RNF213: variants seen among roughly 807,000 people sequenced by gnomAD.
The protein encoded by RNF213 is E3 ubiquitin-protein ligase RNF213.
Under a neutral mutation model 514.4 loss-of-function variants are expected in RNF213, and 341 were observed. That is an observed-to-expected ratio of 0.66 (90% confidence interval 0.61 to 0.73). The LOEUF (loss-of-function observed/expected upper bound fraction) is 0.73, where lower values mean the gene tolerates loss of function less well. Ranked by LOEUF, RNF213 falls within the 30% of genes least tolerant of loss-of-function variation. The probability of loss-of-function intolerance (pLI) is 0.00; values close to 1 mark genes in which losing one functional copy is unlikely to be tolerated. For synonymous variants in RNF213, 2,655 were observed against 2,658.2 expected (o/e 1.00, Z 0.04); for missense variants, 5,767 against 6,615.6 (o/e 0.87, Z 4.45).
At position 80,334,195 on chromosome 17, in the gene RNF213, G is replaced by A. The variant is rs771417979; in HGVS notation, c.4234G>A (p.Glu1412Lys). The change falls in exon 22 of 68, where the codon GAG (glutamate) becomes AAG (lysine). Residue 1412 changes from glutamate (E) to lysine (K), a missense_variant. Around this residue, in one of 13 missense-constraint regions of RNF213, gnomAD observed 516 missense variants for 566.5 expected, o/e 0.91. Transcript: ENST00000582970. The part of the protein sequence containing the change: ...QAKKLLQDIS[E>K]ARCKGLQALS... ...CAAAAAGCTGCTCCAGGACATCAGCGAGGCCCGGTGCAAGGGGCTGCAGGC... is the reference window on the plus strand; with the variant it reads ...CAAAAAGCTGCTCCAGGACATCAGCAAGGCCCGGTGCAAGGGGCTGCAGGC... The A allele has an allele frequency of 7.8e-6, 12 of 1,537,216 alleles. No individual in the cohort carries two copies. In the Middle Eastern group the frequency reaches 5.0e-4, roughly 64 times the overall value.
rs2044685075 is a variant in RNF213 at position 80,290,592 on chromosome 17, G to T, written c.1135G>T (p.Val379Phe). ...CAGCACGCTGAGCCCGGGTGGAGGA[G>T]TCACCGTGTTCTTCCACGCCATCAT... ...KASTLSPGGG[V>F]TVFFHAIISL... Residue 379 changes from valine to phenylalanine, a missense_variant, in exon 7 of 68, where the codon GTC becomes TTC. By Grantham distance (50) the Val-to-Phe change is conservative. Around this residue, in one of 13 missense-constraint regions of RNF213, gnomAD observed 509 missense variants for 496.7 expected, o/e 1.02. Transcript: ENST00000582970. 1.2e-6 allele frequency: 2 copies of T among 1,614,074 alleles called. No individual in the cohort carries two copies. Among genetic ancestry groups the T allele is most frequent in the East Asian group, 4.5e-5 (2 of 44,892 alleles).
In RNF213 at chr17:80,353,421, A is replaced by G; in HGVS notation, c.10424-91A>G. The G allele has an allele frequency of 7.0e-7, 1 of 1,431,762 alleles. No individual in the cohort carries two copies. 88.7% of individuals were successfully genotyped at this position (1,431,762 alleles called of 1,614,324 possible). ...AGGGGCCGGGGAAGCCTGCACTCGG[A>G]GGCTGAGCACACAGACTCCCAGATG... On this transcript the variant is annotated intron_variant, in intron 33 of 67. Transcript: ENST00000582970. This position sits in a 1 kb window ranked among gnomAD's most constrained non-coding sequence, Gnocchi z 5.0.
Position 80,369,690 on chromosome 17 carries a change from G to T in RNF213, c.12325+19G>T. On this transcript the variant is annotated intron_variant, in intron 45 of 67. Transcript: ENST00000582970. ...GCCCAGAGTAGGTTGCTTTCTTCCT[G>T]TAAACCTAGCCCCTCATTTCTTCAT... The T allele has an allele frequency of 6.2e-7, 1 of 1,614,128 alleles. No individual in the cohort carries two copies. Among genetic ancestry groups the T allele is most frequent in the Non-Finnish European group, 8.5e-7 (1 of 1,180,034 alleles).
At position 80,388,622 on chromosome 17, in the gene RNF213, C is replaced by T. The variant is rs2080335596; in HGVS notation, c.14933C>T (p.Thr4978Ile). Reference sequence around the variant, plus strand: ...TCTTTCCCAATTTAGGGAATACCCACTCTGGTGTACAGACACGACTGGAAC... The same window carrying T: ...TCTTTCCCAATTTAGGGAATACCCATTCTGGTGTACAGACACGACTGGAAC... ...KPRLSLKGIP[T>I]LVYRHDWNYE... is the part of the protein sequence containing the mutation. Residue 4978 changes from threonine (T) to isoleucine (I), a missense_variant, in exon 64 of 68, where the codon ACT becomes ATT. This residue lies in a region of RNF213 where 1,245 missense variants were observed against 1,339.0 expected (regional missense o/e 0.93). Coordinates refer to ENST00000582970, the MANE Select transcript of RNF213 (RefSeq NM_001256071.3). 1 of 1,609,686 alleles carries T rather than the reference C, an allele frequency of 6.2e-7. No individual in the cohort carries two copies. The highest frequency in any genetic ancestry group is 1.3e-5 in the African/African-American group (1 of 74,844).
chr17:80,324,600 G>T (rs1473692848), intron 17 of RNF213, among the ~76,000 whole-genome samples: 1 of 152,080 alleles, frequency 6.6e-6, no homozygotes, highest in Non-Finnish European at 1.5e-5. Flanking sequence ...TCTCGGAGGA[G>T]AATTAAAAAG....
At chr17:80,285,341 A>G (rs908486815) in intron 3 of RNF213, among the ~76,000 whole-genome samples, 1 of 152,134 alleles carries the variant, frequency 6.6e-6, no homozygotes, top group Non-Finnish European at 1.5e-5. Context: ...CAGGCCCTCT[A>G]AACCCAGCCC....
chr17:80,290,562 T>C lies in RNF213; in HGVS notation c.1113-8T>C, dbSNP rs1303812038. On this transcript the variant is annotated splice_region_variant and splice_polypyrimidine_tract_variant and intron_variant, in intron 6 of 67. Coordinates refer to ENST00000582970, the MANE Select transcript of RNF213 (RefSeq NM_001256071.3). ...GGGAATCAGATTTCTGTTTTGGTTT[T>C]CCACCAGCACGCTGAGCCCGGGTGG... is the stretch of plus-strand genomic sequence containing the variant. 2.5e-6 allele frequency: 4 copies of C among 1,613,582 alleles called. No individual in the cohort carries two copies.
chr17:80,389,828 G>C lies in RNF213; in HGVS notation c.15196G>C (p.Ala5066Pro), dbSNP rs1414395737. ...CTCAGGAATTCTATTCCTTCTGCAG[G>C]CCTTAAACAGATGCCAGTTAAAACA... Reference protein sequence around the residue: ...MGDQTIHVLKALNRCQLKHTI... With the variant: ...MGDQTIHVLKPLNRCQLKHTI... The change falls in exon 66 of 68, where the codon GCC becomes CCC. Residue 5066 changes from alanine to proline, a missense_variant and splice_region_variant. Around this residue, in one of 13 missense-constraint regions of RNF213, gnomAD observed 1,245 missense variants for 1,339.0 expected, o/e 0.93. Coordinates refer to ENST00000582970, the MANE Select transcript of RNF213 (RefSeq NM_001256071.3). 2 of 1,613,700 alleles carry C rather than the reference G, an allele frequency of 1.2e-6. No homozygotes were observed. Among genetic ancestry groups the C allele is most frequent in the Admixed American group, 3.3e-5 (2 of 60,030 alleles).
intron 9 of RNF213, 53 bp downstream of exon 9, chr17:80,295,056 C>A: frequency 1.2e-6 from 2 of 1,607,724 alleles, no homozygotes; most frequent in Middle Eastern, 1.7e-4. Context: ...CCACACCTGA[C>A]CTGCTAGTGG....
chr17:80,282,965 T>C (rs947345580), intron 3 of RNF213, among the ~76,000 whole-genome samples: 38 of 152,214 alleles, frequency 2.5e-4, no homozygotes, highest in African/African-American at 9.2e-4. Context: ...CTCAAAGTGC[T>C]GGGATTACAG....
At chr17:80,268,239 A>G (rs2043674527) in intron 2 of RNF213, among the ~76,000 whole-genome samples, 1 of 151,720 alleles carries the variant, frequency 6.6e-6, no homozygotes, top group African/African-American at 2.4e-5. Context: ...GAATCGTGCT[A>G]CAGTGAGCAT....
chr17:80,327,731 G>C, intron 18 of RNF213, 85 bp from the exon 19 acceptor site: 1 of 1,200,658 alleles, frequency 8.3e-7, no homozygotes, highest in Non-Finnish European at 1.2e-6. Flanking sequence ...GGCAGAACAA[G>C]AGGTTATCTG....
At chr17:80,354,690 A>C in intron 36 of RNF213, 114 bp downstream of exon 36, 1 of 1,333,392 alleles carries the variant, frequency 7.5e-7, no homozygotes, top group Non-Finnish European at 1.1e-6. Flanking sequence ...TTCTTTCCAA[A>C]CCTCTCAGCC....
chr17:80,393,544 C>T lies in RNF213; in HGVS notation c.*46C>T, dbSNP rs767283195. 2 of 1,590,288 alleles carry T rather than the reference C, an allele frequency of 1.3e-6. No homozygotes were observed. The highest frequency in any genetic ancestry group is 1.7e-6 in the Non-Finnish European group (2 of 1,160,242). ...TTGGATGACTTTGGAGAGAAGACTC[C>T]TCTCTCCTCGTCTGCGGCGTGGACT... On this transcript the variant is annotated 3_prime_UTR_variant, in exon 68 of 68. Transcript: ENST00000582970.
chr17:80,342,953 C>T (rs1266097870), intron 26 of RNF213, among the ~76,000 whole-genome samples, 179 bp from the exon 27 acceptor site: 1 of 151,372 alleles, frequency 6.6e-6, no homozygotes, highest in Non-Finnish European at 1.5e-5. Flanking sequence ...TTACAGGTGC[C>T]TGCCACCACG....
At chr17:80,324,217 C>T (rs1015528775) in intron 17 of RNF213, among the ~76,000 whole-genome samples, 3 of 152,184 alleles carry the variant, frequency 2.0e-5, no homozygotes, top group East Asian at 1.9e-4. Context: ...GTGATGTCAA[C>T]GTGAGCTTTT....
At chr17:80,314,335 T>A (rs1296962298) in intron 15 of RNF213, among the ~76,000 whole-genome samples, 1 of 21,596 alleles carries the variant, frequency 4.6e-5, no homozygotes, top group Non-Finnish European at 1.2e-4. Flanking sequence ...GTGATGGTGG[T>A]GGTGGTGGTG....
At chr17:80,271,856 T>C (rs2043834300) in intron 2 of RNF213, among the ~76,000 whole-genome samples, 2 of 152,088 alleles carry the variant, frequency 1.3e-5, no homozygotes, top group African/African-American at 2.4e-5. Context: ...GGCGCATGCC[T>C]GTAATCCCAG....
At chr17:80,381,772 G>C in intron 57 of RNF213, 45 bp downstream of exon 57, 1 of 1,569,730 alleles carries the variant, frequency 6.4e-7, no homozygotes, top group Non-Finnish European at 8.7e-7. Context: ...ACAGCACAAC[G>C]GCAGCGCAAG....
Sources: allele counts gnomAD v4.1 joint callset (sites outside exome capture counted in the v4.1 genomes callset), GRCh38; gene constraint gnomAD v4.1.1; regional missense constraint gnomAD v4.1.1; non-coding constraint Gnocchi (gnomAD v3.1); transcripts MANE v1.5; gene names NCBI Gene and HGNC (gene_info 2026-07-23, HGNC 2026-07-21).